ZNF99: variants seen among roughly 807,000 people sequenced by gnomAD.
ZNF99 encodes zinc finger protein 99.
A neutral mutation model predicts 12.8 loss-of-function variants in ZNF99; 8 were observed. That is an observed-to-expected ratio of 0.62 (90% CI 0.37 to 1.13). The LOEUF (loss-of-function observed/expected upper bound fraction) is 1.13, where lower values mean the gene tolerates loss of function less well. Among genes scored for constraint, ZNF99 ranks in the 50% most tolerant of loss-of-function variants. The pLI, the probability that ZNF99 is intolerant of heterozygous loss-of-function variation, is 0.02. For missense variants in ZNF99, 1,007 were observed against 1,006.2 expected (o/e 1.00, Z -0.01); for synonymous variants, 318 against 319.0 (o/e 1.00, Z 0.03).
chr19:22,765,927 T>C (rs1205191326), intron 3 of ZNF99, among the ~76,000 whole-genome samples: 1 of 152,064 alleles, frequency 6.6e-6, no homozygotes, highest in African/African-American at 2.4e-5. Flanking sequence ...AATGTAAACA[T>C]ACAGACACAT....
At chr19:22,761,096 A>C (rs768113622) in intron 3 of ZNF99, among the ~76,000 whole-genome samples, 2 of 151,934 alleles carry the variant, frequency 1.3e-5, no homozygotes, top group Non-Finnish European at 2.9e-5. Flanking sequence ...CCAATCAAAA[A>C]AAGTATAAAA....
chr19:22,775,090 G>C (rs942790361), intron 1 of ZNF99, among the ~76,000 whole-genome samples: 1 of 152,086 alleles, frequency 6.6e-6, no homozygotes. Flanking sequence ...CCATAAAAGA[G>C]CCTGAGTAGC....
rs1385005531 is a variant in ZNF99 at position 22,753,306 on chromosome 19, T to C, written c.*4008A>G. On this transcript the variant is annotated 3_prime_UTR_variant, in exon 4 of 4. Transcript: ENST00000596209. ...TTTAGATTGAAATTATTTTTTTTACTCAACACTCTGATTTAGTGTAGTCTG... is the reference window on the plus strand; with the variant it reads ...TTTAGATTGAAATTATTTTTTTTACCCAACACTCTGATTTAGTGTAGTCTG... 6.6e-6 allele frequency: 1 copy of C among 152,126 alleles called. No individual in the cohort carries two copies. The highest frequency in any genetic ancestry group is 1.5e-5 in the Non-Finnish European group (1 of 67,982). The allele number at this position is 152,126 out of a possible 1,614,324, so 9.4% of individuals were successfully genotyped here. A position where few individuals can be genotyped will look rare whatever the true frequency, so the allele number is the denominator to read the frequency against.
At position 22,754,603 on chromosome 19, in the gene ZNF99, A is replaced by T; in HGVS notation, c.*2711T>A. 2.6e-6 allele frequency: 1 copy of T among 387,328 alleles called. No homozygotes were observed. Among genetic ancestry groups the T allele is most frequent in the Non-Finnish European group, 5.1e-6 (1 of 197,086 alleles). 24.0% of individuals were successfully genotyped at this position (387,328 alleles called of 1,614,324 possible). A position where few individuals can be genotyped will look rare whatever the true frequency, so the allele number is the denominator to read the frequency against. On this transcript the variant is annotated 3_prime_UTR_variant, in exon 4 of 4. Coordinates refer to ENST00000596209, the MANE Select transcript of ZNF99 (RefSeq NM_001080409.3). Reference sequence around the variant, plus strand: ...GTTTCTCTTCAGTATGAATTATCTTAATGTGTGGTAAGATGTGAGAAATGG... The same window carrying T: ...GTTTCTCTTCAGTATGAATTATCTTTATGTGTGGTAAGATGTGAGAAATGG...
intron 1 of ZNF99, among the ~76,000 whole-genome samples, chr19:22,779,807 A>C (rs1333696550): frequency 6.6e-6 from 1 of 152,166 alleles, no homozygotes; most frequent in East Asian, 1.9e-4. Context: ...ATATGAAACA[A>C]GGCCCTTGTC....
chr19:22,766,140 G>A (rs1389689629), intron 3 of ZNF99, among the ~76,000 whole-genome samples: 1 of 151,152 alleles, frequency 6.6e-6, no homozygotes, highest in Non-Finnish European at 1.5e-5. Flanking sequence ...TTAATCTTAA[G>A]ATGTTTTACA....
intron 3 of ZNF99, 23 bp from the exon 4 acceptor site, chr19:22,759,705 A>T: frequency 2.7e-6 from 4 of 1,455,960 alleles, no homozygotes; most frequent in Non-Finnish European, 3.6e-6. Context: ...AAAATAATAA[A>T]TTATGTCACT....
At chr19:22,779,402 T>C (rs187039848) in intron 1 of ZNF99, among the ~76,000 whole-genome samples, 8 of 152,138 alleles carry the variant, frequency 5.3e-5, no homozygotes, top group Non-Finnish European at 8.8e-5. Context: ...CAGATGCCTG[T>C]AGTCCCAGCT....
Position 22,756,856 on chromosome 19 carries a change from C to T in ZNF99, c.*458G>A. On this transcript the variant is annotated 3_prime_UTR_variant, in exon 4 of 4. Transcript: ENST00000596209. ...GCTGAGAAATGCTTAAAAGCTTTGC[C>T]ACATTCTTCACATTTGTAGGGTTTC... 5.6e-6 allele frequency: 9 copies of T among 1,612,078 alleles called. No homozygotes were observed. The South Asian group carries it at 9.9e-5, about 18-fold the overall frequency.
chr19:22,774,874 T>C (rs62120455), intron 1 of ZNF99, among the ~76,000 whole-genome samples: 12,186 of 151,164 alleles, frequency 0.081, 523 homozygotes, highest in South Asian at 0.11. Context: ...TGACTCAAAA[T>C]TAAAAAAAAG....
At position 22,752,233 on chromosome 19, in the gene ZNF99, C is replaced by A. The variant is rs1483114524; in HGVS notation, c.*5081G>T. The A allele has an allele frequency of 1.3e-5, 2 of 151,548 alleles. No individual in the cohort carries two copies. Among genetic ancestry groups the A allele is most frequent in the African/African-American group, 4.8e-5 (2 of 41,256 alleles). The allele number at this position is 151,548 out of a possible 1,614,324, so 9.4% of individuals were successfully genotyped here. On this transcript the variant is annotated 3_prime_UTR_variant, in exon 4 of 4. Coordinates refer to ENST00000596209, the MANE Select transcript of ZNF99 (RefSeq NM_001080409.3). ...ATTCCTATATGATTTTTATTATGAC[C>A]ACAAAAATGACGCTATAATAAAGAT... is the stretch of plus-strand genomic sequence containing the variant.
Position 22,769,774 on chromosome 19 carries a change from TAAAGAA to T in ZNF99, c.4-456_4-451del, listed in dbSNP as rs1264656687. 4 of 967,490 alleles carry T rather than the reference TAAAGAA, an allele frequency of 4.1e-6. No homozygotes were observed. The African/African-American group carries it at 7.4e-5, about 18-fold the overall frequency. 59.9% of individuals were successfully genotyped at this position (967,490 alleles called of 1,614,324 possible). On this transcript the variant is annotated intron_variant, in intron 1 of 3. Coordinates refer to ENST00000596209, the MANE Select transcript of ZNF99 (RefSeq NM_001080409.3). ...AGACTCTGTCTCAAAAAAAAAAAAA[TAAAGAA>T]AAGAAAAAAAGAAATATTCTCTAAT...
chr19:22,756,199 A>AC lies in ZNF99; in HGVS notation c.*1114dup. 1 of 1,562,426 alleles carries AC rather than the reference A, an allele frequency of 6.4e-7. No homozygotes were observed. Among genetic ancestry groups the AC allele is most frequent in the Non-Finnish European group, 8.7e-7 (1 of 1,150,180 alleles). On this transcript the variant is annotated 3_prime_UTR_variant, in exon 4 of 4. Coordinates refer to ENST00000596209, the MANE Select transcript of ZNF99 (RefSeq NM_001080409.3). ...GGTTGAAAGCTTTGACACATTCTTC[A>AC]CATTTTTAGGGCTTCTCCCCAGTAT... is the stretch of plus-strand genomic sequence containing the variant.
Position 22,758,715 on chromosome 19 carries a change from T to C in ZNF99, c.1194A>G (p.Lys398=), listed in dbSNP as rs769787659. The part of the protein sequence containing the change: ...EIIHTGQKPY[K]CEECGKAFKW... ...TAAAAGCTTTACCACATTCTTCACA[T>C]TTGTAGGGTTTCTGTCCAGTATGAA... Residue 398 remains lysine, a synonymous_variant, in exon 4 of 4, where the codon AAA becomes AAG. Transcript: ENST00000596209. 18 of 1,613,470 alleles carry C rather than the reference T, an allele frequency of 1.1e-5. No homozygotes were observed. The highest frequency in any genetic ancestry group is 2.7e-5 in the African/African-American group (2 of 74,868).
Position 22,784,033 on chromosome 19 carries a change from G to A in ZNF99, c.-17C>T. Reference sequence around the variant, plus strand: ...TCTCACCATTTCTAAGCTTCCAGGGGGTCCTGGCGTCCTAGCTGTGGATCT... The same window carrying A: ...TCTCACCATTTCTAAGCTTCCAGGGAGTCCTGGCGTCCTAGCTGTGGATCT... On this transcript the variant is annotated 5_prime_UTR_variant, in exon 1 of 4. Transcript: ENST00000596209. 1 of 1,613,666 alleles carries A rather than the reference G, an allele frequency of 6.2e-7. No individual in the cohort carries two copies. The highest frequency in any genetic ancestry group is 8.5e-7 in the Non-Finnish European group (1 of 1,179,854).
At position 22,758,449 on chromosome 19, in the gene ZNF99, C is replaced by G. The variant is rs763136152; in HGVS notation, c.1460G>C (p.Gly487Ala). The G allele has an allele frequency of 3.2e-5, 52 of 1,613,004 alleles. No homozygotes were observed. Among genetic ancestry groups the G allele is most frequent in the African/African-American group, 6.7e-5 (5 of 74,818 alleles). Residue 487 changes from glycine to alanine, a missense_variant, in exon 4 of 4, where the codon GGT becomes GCT. By Grantham distance (60) the Gly-to-Ala change is moderately conservative. Coordinates refer to ENST00000596209, the MANE Select transcript of ZNF99 (RefSeq NM_001080409.3). ...GEKPYKCEECGKAFKWSSKLT... is the reference protein window; with the variant it reads ...GEKPYKCEECAKAFKWSSKLT... Reference sequence around the variant, plus strand: ...TTTTGAGGACCACTTAAAAGCTTTACCACATTCTTCACATTTGTAGGGTTT... The same window carrying G: ...TTTTGAGGACCACTTAAAAGCTTTAGCACATTCTTCACATTTGTAGGGTTT...
In ZNF99 at chr19:22,757,138, A is replaced by G. The variant is rs756549380; in HGVS notation, c.*176T>C. 2.3e-5 allele frequency: 37 copies of G among 1,612,776 alleles called. No homozygotes were observed. Among genetic ancestry groups the G allele is most frequent in the Non-Finnish European group, 3.1e-5 (37 of 1,179,200 alleles). Reference sequence around the variant, plus strand: ...CTCCACATTTGTAGGGCTTCTCCCCAGTATGAACTGCTTTATGTCTAGTAA... The same window carrying G: ...CTCCACATTTGTAGGGCTTCTCCCCGGTATGAACTGCTTTATGTCTAGTAA... On this transcript the variant is annotated 3_prime_UTR_variant, in exon 4 of 4. Transcript: ENST00000596209.
chr19:22,752,308 G>C lies in ZNF99; in HGVS notation c.*5006C>G, dbSNP rs978313715. ...GTGACTAAAAGTGTAGATTTGGATTGCTTGTAATTCAAGGAATAAATGTTG... is the reference window on the plus strand; with the variant it reads ...GTGACTAAAAGTGTAGATTTGGATTCCTTGTAATTCAAGGAATAAATGTTG... On this transcript the variant is annotated 3_prime_UTR_variant, in exon 4 of 4. Transcript: ENST00000596209. 6.6e-6 allele frequency: 1 copy of C among 151,846 alleles called. No individual in the cohort carries two copies. The highest frequency in any genetic ancestry group is 2.4e-5 in the African/African-American group (1 of 41,348). The allele number at this position is 151,846 out of a possible 1,614,324, so 9.4% of individuals were successfully genotyped here. A position where few individuals can be genotyped will look rare whatever the true frequency, so the allele number is the denominator to read the frequency against.
intron 1 of ZNF99, chr19:22,769,962 T>A (rs1973248535): frequency 7.3e-7 from 1 of 1,361,816 alleles, no homozygotes; most frequent in African/African-American, 1.5e-5. Context: ...GTCTTGTACA[T>A]TTTTCAGACC....
Sources: gnomAD v4.1 joint callset for allele counts (sites outside exome capture counted in the v4.1 genomes callset) on GRCh38, gnomAD v4.1.1 for gene constraint, MANE v1.5 for transcripts, NCBI Gene and HGNC (gene_info 2026-07-23, HGNC 2026-07-21) for gene names.